ARSF: variants seen among roughly 807,000 people sequenced by gnomAD.
The protein encoded by ARSF is arylsulfatase F.
In ARSF, 33 loss-of-function variants were observed where a neutral mutation model predicts 35.4. The ratio of observed to expected loss-of-function variants is 0.93; its 90% confidence interval spans 0.71 to 1.25. The LOEUF is 1.25. Ranked by LOEUF, ARSF falls within the 50% of genes most tolerant of loss-of-function variation. The pLI, the probability that ARSF is intolerant of heterozygous loss-of-function variation, is 0.00. For missense variants in ARSF, 501 were observed against 480.2 expected, an observed-to-expected ratio of 1.04 and a Z score of -0.40; for synonymous variants, 222 against 193.1, an observed-to-expected ratio of 1.15 and a Z score of -1.24.
At chrX:3,076,121 TTC>T (rs754305711) in intron 3 of ARSF, among the ~76,000 whole-genome samples, 1 of 105,965 alleles carries the variant, frequency 9.4e-6, no homozygotes, top group East Asian at 3.0e-4. Flanking sequence ...CTCTCTGTCT[TTC>T]TCTCTCTCTC....
At chrX:3,049,811 G>C (rs1238510518) in intron 1 of ARSF, among the ~76,000 whole-genome samples, 2 of 111,118 alleles carry the variant, frequency 1.8e-5, no homozygotes, top group African/African-American at 3.3e-5. Flanking sequence ...GAGTCAAAGG[G>C]CTCATGCCAG....
intron 3 of ARSF, among the ~76,000 whole-genome samples, chrX:3,073,246 T>TAA (rs1179814938): frequency 2.1e-5 from 2 of 96,666 alleles, no homozygotes; most frequent in Non-Finnish European, 4.1e-5. Context: ...TTTATATATA[T>TAA]AATATATAAT....
intron 5 of ARSF, among the ~76,000 whole-genome samples, chrX:3,081,807 A>G (rs775979724): frequency 8.9e-6 from 1 of 112,030 alleles, no homozygotes; most frequent in East Asian, 2.8e-4. Context: ...ACTGCCAAGG[A>G]TGATAGAAGT....
At chrX:3,079,970 CAAAAAA>C (rs1224175073) in intron 4 of ARSF, among the ~76,000 whole-genome samples, 24 of 28,413 alleles carry the variant, frequency 8.4e-4, no homozygotes, top group African/African-American at 3.7e-3. Context: ...ACAACAACAA[CAAAAAA>C]AAAAAAAAAA....
chrX:3,068,765 G>GA (rs1555918059), intron 2 of ARSF, among the ~76,000 whole-genome samples: 1 of 111,561 alleles, frequency 9.0e-6, no homozygotes, highest in South Asian at 3.8e-4. Flanking sequence ...AACAGGAGGT[G>GA]AAAAAATTCA....
chrX:3,042,177 T>C (rs1316380283), intron 1 of ARSF, among the ~76,000 whole-genome samples: 2 of 112,064 alleles, frequency 1.8e-5, no homozygotes. Flanking sequence ...ATCAGTAAAA[T>C]ATATATATAT....
At chrX:3,110,050 C>T (rs1441962899) in intron 9 of ARSF, 78 bp from the exon 10 acceptor site, 4 of 1,026,491 alleles carry the variant, frequency 3.9e-6, no homozygotes, top group Non-Finnish European at 5.1e-6. Context: ...CAGTCTTCAC[C>T]AAGTACCCTT....
intron 1 of ARSF, among the ~76,000 whole-genome samples, chrX:3,061,942 C>T (rs1220893894): frequency 9.0e-6 from 1 of 111,485 alleles, no homozygotes; most frequent in Non-Finnish European, 1.9e-5. Context: ...CAGCTCTGCA[C>T]CAAGTGGACC....
intron 8 of ARSF, among the ~76,000 whole-genome samples, chrX:3,102,780 C>T (rs542431281): frequency 3.2e-4 from 35 of 110,559 alleles, no homozygotes; most frequent in South Asian, 1.6e-3. Context: ...GGCATAGTGG[C>T]GGACACCTGT....
intron 6 of ARSF, among the ~76,000 whole-genome samples, chrX:3,086,748 G>GT (rs1422061594): frequency 8.9e-6 from 1 of 111,736 alleles, no homozygotes; most frequent in Non-Finnish European, 1.9e-5. Context: ...AGCCTGGGAG[G>GT]TTGAGGCTGC....
At chrX:3,109,288 C>T in intron 9 of ARSF, among the ~76,000 whole-genome samples, 1 of 90,838 alleles carries the variant, frequency 1.1e-5, no homozygotes, top group Admixed American at 1.2e-4. Context: ...CACTGCCCCT[C>T]AGCCTGGGAA....
chrX:3,088,644 T>A (rs2090266092), intron 6 of ARSF, among the ~76,000 whole-genome samples: 1 of 110,263 alleles, frequency 9.1e-6, no homozygotes, highest in Non-Finnish European at 1.9e-5. Flanking sequence ...TCACTGCAAC[T>A]TCTGCCTCCT....
At chrX:3,087,727 C>T (rs770866680) in intron 6 of ARSF, among the ~76,000 whole-genome samples, 1 of 111,871 alleles carries the variant, frequency 8.9e-6, no homozygotes, top group African/African-American at 3.2e-5. Context: ...CTGGTGGCTC[C>T]AGATGCCCCT....
chrX:3,093,178 A>AG (rs2090312891), intron 7 of ARSF, among the ~76,000 whole-genome samples: 1 of 112,362 alleles, frequency 8.9e-6, no homozygotes, highest in Non-Finnish European at 1.9e-5. Flanking sequence ...AGAAAAAAAA[A>AG]TTATCATGGG....
intron 5 of ARSF, among the ~76,000 whole-genome samples, chrX:3,083,859 C>T (rs142968315): frequency 1.8e-5 from 2 of 111,799 alleles, no homozygotes; most frequent in African/African-American, 6.5e-5. Flanking sequence ...TGCGGTGTAT[C>T]TATTCTTCCA....
intron 8 of ARSF, among the ~76,000 whole-genome samples, chrX:3,102,869 A>G (rs184167524): frequency 0.011 from 1,242 of 109,903 alleles, 38 homozygotes; most frequent in Admixed American, 0.1. Flanking sequence ...CCGCGATAGC[A>G]CCACTGCACT....
At chrX:3,063,941 T>TG (rs2090052791) in intron 1 of ARSF, among the ~76,000 whole-genome samples, 1 of 111,777 alleles carries the variant, frequency 8.9e-6, no homozygotes, top group Admixed American at 9.5e-5. Flanking sequence ...TTCACAGAAT[T>TG]GGGAAAAACG....
At chrX:3,107,767 A>G (rs1365672067) in intron 9 of ARSF, among the ~76,000 whole-genome samples, 1 of 110,823 alleles carries the variant, frequency 9.0e-6, no homozygotes, top group Non-Finnish European at 1.9e-5. Flanking sequence ...GAGTGAGGTC[A>G]CATGTTTATT....
rs756444012 is a variant in ARSF, at chrX:3,110,319, G to A, written c.1390+67G>A. The A allele has an allele frequency of 7.7e-5, 77 of 1,000,568 alleles. No individual in the cohort carries two copies. In the African/African-American group the frequency reaches 1.1e-3, roughly 14 times the overall value. The allele number at this position is 1,000,568 out of a possible 1,213,427, so 82.5% of individuals were successfully genotyped here. Reference sequence around the variant, plus strand: ...AGGGTCACTCAGGTGTATCCTGAACGCATTCTTCCTTTCCTCTCTAGACCG... The same window carrying A: ...AGGGTCACTCAGGTGTATCCTGAACACATTCTTCCTTTCCTCTCTAGACCG... On this transcript the variant is annotated intron_variant, in intron 10 of 10. Transcript: ENST00000381127.
Sources: gnomAD v4.1 joint callset for allele counts (sites outside exome capture counted in the v4.1 genomes callset) on GRCh38, gnomAD v4.1.1 for gene constraint, MANE v1.5 for transcripts, NCBI Gene and HGNC (gene_info 2026-07-23, HGNC 2026-07-21) for gene names.